PTPRT: variants seen among roughly 807,000 people sequenced by gnomAD.
PTPRT encodes the protein receptor-type tyrosine-protein phosphatase T.
PTPRT carries 56 observed loss-of-function variants against 176.8 expected under a neutral mutation model. That is an observed-to-expected ratio of 0.32 (90% CI 0.26 to 0.40). The LOEUF (loss-of-function observed/expected upper bound fraction) is 0.40. PTPRT is among the 10% of genes least tolerant of loss of function. The pLI is 1.00. For synonymous variants in PTPRT, 783 were observed against 739.0 expected (o/e 1.06, Z -0.96); for missense variants, 1,540 against 1,908.2 (o/e 0.81, Z 3.60).
intron 1 of PTPRT, among the ~76,000 whole-genome samples, chr20:42,963,932 T>C (rs1179034839): frequency 6.6e-6 from 1 of 152,170 alleles, no homozygotes; most frequent in Non-Finnish European, 1.5e-5. Context: ...AGCAAATAGT[T>C]CAGGCTTTCG....
chr20:42,943,183 G>A (rs558021886), intron 1 of PTPRT, among the ~76,000 whole-genome samples: 2 of 152,184 alleles, frequency 1.3e-5, no homozygotes, highest in Non-Finnish European at 2.9e-5. Flanking sequence ...GACAGAAGCC[G>A]AGTTGCCTGG....
chr20:43,056,646 C>A (rs1987245077), intron 1 of PTPRT, among the ~76,000 whole-genome samples: 2 of 152,244 alleles, frequency 1.3e-5, no homozygotes, highest in South Asian at 4.2e-4. Flanking sequence ...ATTAACCTAA[C>A]AAATACCAGG....
chr20:42,969,947 T>C (rs1982525080), intron 1 of PTPRT, among the ~76,000 whole-genome samples: 1 of 152,084 alleles, frequency 6.6e-6, no homozygotes. Flanking sequence ...GTTAAACCCA[T>C]TATATGGATG....
At chr20:42,212,662 T>G (rs2055672316) in intron 15 of PTPRT, among the ~76,000 whole-genome samples, 1 of 152,092 alleles carries the variant, frequency 6.6e-6, no homozygotes, top group African/African-American at 2.4e-5. Context: ...AAACACGGAT[T>G]AGAGTAGTAC....
intron 16 of PTPRT, 111 bp from the exon 17 acceptor site, chr20:42,161,653 T>C: frequency 9.7e-7 from 1 of 1,029,630 alleles, no homozygotes; most frequent in East Asian, 2.6e-5. Flanking sequence ...AACTTGGGAC[T>C]CAACTGATAG....
At chr20:42,874,766 T>C (rs2078902811) in intron 2 of PTPRT, among the ~76,000 whole-genome samples, 1 of 152,202 alleles carries the variant, frequency 6.6e-6, no homozygotes, top group Admixed American at 6.5e-5. Flanking sequence ...TATTAAACGA[T>C]GTAAAAACAT....
intron 15 of PTPRT, among the ~76,000 whole-genome samples, chr20:42,212,416 CAAA>C (rs34652089): frequency 0.022 from 1,967 of 90,600 alleles, 30 homozygotes; most frequent in African/African-American, 0.068. Flanking sequence ...TCTTTTTTCT[CAAA>C]AAAAAAAAAA....
intron 7 of PTPRT, among the ~76,000 whole-genome samples, chr20:42,650,719 G>A (rs1164180677): frequency 6.6e-6 from 1 of 152,146 alleles, no homozygotes; most frequent in Non-Finnish European, 1.5e-5. Flanking sequence ...GCTCTGAGAT[G>A]CCCAAGAATA....
At chr20:42,395,772 C>A (rs1365442282) in intron 9 of PTPRT, among the ~76,000 whole-genome samples, 1 of 152,110 alleles carries the variant, frequency 6.6e-6, no homozygotes, top group Non-Finnish European at 1.5e-5. Context: ...TCACCTTCTC[C>A]TTTTGTTCTT....
At chr20:42,991,104 A>G (rs527425716) in intron 1 of PTPRT, among the ~76,000 whole-genome samples, 6 of 152,316 alleles carry the variant, frequency 3.9e-5, no homozygotes, top group Admixed American at 3.3e-4. Context: ...CATTCTTTTA[A>G]CTACAAAAAT....
chr20:42,414,589 G>C (rs1019917259), intron 9 of PTPRT, among the ~76,000 whole-genome samples: 2 of 152,122 alleles, frequency 1.3e-5, no homozygotes, highest in Admixed American at 6.6e-5. Context: ...GCTTCACAAT[G>C]TACAATAAAC....
At chr20:42,649,019 C>T (rs1025145552) in intron 7 of PTPRT, among the ~76,000 whole-genome samples, 1 of 151,844 alleles carries the variant, frequency 6.6e-6, no homozygotes, top group African/African-American at 2.4e-5. Context: ...TGGGGTTTCA[C>T]CGTGTTAGCC....
Position 42,741,407 on chromosome 20 carries a change from C to T in PTPRT, c.859+15055G>A, listed in dbSNP as rs544671678. On this transcript the variant is annotated intron_variant, in intron 6 of 30. Transcript: ENST00000373187. The stretch of plus-strand genomic sequence containing the variant: ...TCGCCCAGACTGGAGTGCAGTGGCG[C>T]GATCTTGGCTCACTGCAACCTCTGG... 4.6e-5 allele frequency among the ~76,000 whole-genome samples: 7 copies of T among 152,172 alleles called. No individual in the cohort carries two copies. In the South Asian group the frequency reaches 8.3e-4, roughly 18 times the overall value.
At chr20:42,223,081 G>A (rs2055922203) in intron 15 of PTPRT, among the ~76,000 whole-genome samples, 1 of 152,272 alleles carries the variant, frequency 6.6e-6, no homozygotes. Flanking sequence ...GATGACTGTG[G>A]TAGTGTGAGA....
At chr20:42,191,810 G>A (rs1022378365) in intron 16 of PTPRT, among the ~76,000 whole-genome samples, 4 of 152,182 alleles carry the variant, frequency 2.6e-5, no homozygotes, top group Non-Finnish European at 5.9e-5. Flanking sequence ...TAATTGAAGA[G>A]AGAATACATT....
chr20:42,276,112 T>C (rs1018790591), intron 13 of PTPRT, among the ~76,000 whole-genome samples: 8 of 152,024 alleles, frequency 5.3e-5, no homozygotes, highest in Admixed American at 2.0e-4. Context: ...TGCTCCTGGG[T>C]CCCTCCTGAA....
chr20:42,560,584 A>G (rs2072937053), intron 7 of PTPRT, among the ~76,000 whole-genome samples: 1 of 152,172 alleles, frequency 6.6e-6, no homozygotes, highest in Non-Finnish European at 1.5e-5. Context: ...GTACATCTCT[A>G]TAGACGGCCC....
intron 2 of PTPRT, among the ~76,000 whole-genome samples, chr20:42,849,882 T>C (rs900934751): frequency 3.3e-5 from 5 of 152,198 alleles, no homozygotes; most frequent in African/African-American, 9.6e-5. Context: ...ATCTCAGACT[T>C]AGAGGAAGTT....
intron 9 of PTPRT, among the ~76,000 whole-genome samples, chr20:42,413,472 A>C (rs1445928594): frequency 6.6e-6 from 1 of 152,200 alleles, no homozygotes; most frequent in Admixed American, 6.5e-5. Flanking sequence ...AAAACTTAAC[A>C]AAAGGTAGGC....
Sources: allele counts gnomAD v4.1 joint callset (sites outside exome capture counted in the v4.1 genomes callset), GRCh38; gene constraint gnomAD v4.1.1; transcripts MANE v1.5; gene names NCBI Gene and HGNC (gene_info 2026-07-23, HGNC 2026-07-21).